The following LZTS3 variants were observed in gnomAD, a reference collection of about 807,000 sequenced individuals.
LZTS3 encodes leucine zipper tumor suppressor family member 3.
A neutral mutation model predicts 50.9 loss-of-function variants in LZTS3; 16 were observed. That is an observed-to-expected ratio of 0.31 (90% CI 0.21 to 0.48). The LOEUF is 0.48. Among genes scored for constraint, LZTS3 ranks in the 20% least tolerant of loss-of-function variants. LZTS3 has a pLI of 0.99. For synonymous variants in LZTS3, 408 were observed against 410.6 expected (o/e 0.99, Z 0.08); for missense variants, 816 against 931.0 (o/e 0.88, Z 1.61).
rs773374471 is a variant in LZTS3, at chr20:3,166,209, C to G, written c.611G>C (p.Arg204Pro). The G allele has an allele frequency of 2.5e-6, 4 of 1,613,610 alleles. No individual in the cohort carries two copies. The highest frequency in any genetic ancestry group is 2.7e-5 in the African/African-American group (2 of 74,918). Residue 204 changes from arginine to proline, a missense_variant, in exon 4 of 5, where the codon CGG becomes CCG. Around this residue, in one of 3 missense-constraint regions of LZTS3, gnomAD observed 700 missense variants for 769.4 expected, o/e 0.91. Coordinates refer to ENST00000337576, the MANE Select transcript of LZTS3 (RefSeq NM_001365618.1). ...ACTCCCACCCGCTGGAGTCATGGTC[C>G]GAGACTTGTCCAGTCCGCCTTTGAG... Reference protein sequence around the residue: ...GGLKGGLDKSRTMTPAGGSGS... With the variant: ...GGLKGGLDKSPTMTPAGGSGS...
At position 3,167,732 on chromosome 20, in the gene LZTS3, C is replaced by T; in HGVS notation, c.-19+6G>A. On this transcript the variant is annotated splice_donor_region_variant and intron_variant, in intron 2 of 4. Coordinates refer to ENST00000337576, the MANE Select transcript of LZTS3 (RefSeq NM_001365618.1). ...TGAGGGTGGGGGTCCTTCCCAGCCC[C>T]CTAACCTAAGTGTTGCAGTCAGGGC... The T allele has an allele frequency of 3.0e-6, 3 of 985,762 alleles. No homozygotes were observed. Among genetic ancestry groups the T allele is most frequent in the South Asian group, 4.7e-5 (1 of 21,286 alleles). The allele number at this position is 985,762 out of a possible 1,614,324, so 61.1% of individuals were successfully genotyped here. A position where few individuals can be genotyped will look rare whatever the true frequency, so the allele number is the denominator to read the frequency against.
Position 3,166,860 on chromosome 20 carries a change from C to T in LZTS3, c.304G>A (p.Glu102Lys), listed in dbSNP as rs1282967413. The change falls in exon 3 of 5, where the codon GAG becomes AAG. Residue 102 changes from glutamate to lysine, a missense_variant. Around this residue, in one of 3 missense-constraint regions of LZTS3, gnomAD observed 700 missense variants for 769.4 expected, o/e 0.91. Coordinates refer to ENST00000337576, the MANE Select transcript of LZTS3 (RefSeq NM_001365618.1). The stretch of plus-strand genomic sequence containing the variant: ...TCGGTGTGGTCACTGCCCCGCAGCT[C>T]ACCATTGAGGTAGAGGGAGTTGGCG... ...GLANSLYLNG[E>K]LRGSDHTDVC... 10 of 1,613,768 alleles carry T rather than the reference C, an allele frequency of 6.2e-6. No individual in the cohort carries two copies. The highest frequency in any genetic ancestry group is 6.8e-6 in the Non-Finnish European group (8 of 1,180,036).
In LZTS3 at chr20:3,165,244, G is replaced by T; in HGVS notation, c.1324-92C>A. ...CCAGATCTGGAGCCAGGGGCACCAA[G>T]CTTCCCGGGGCTGCAGGCTCAGCCC... On this transcript the variant is annotated intron_variant, in intron 4 of 4. Coordinates refer to ENST00000337576, the MANE Select transcript of LZTS3 (RefSeq NM_001365618.1). The surrounding 1 kb of genome is among the most constrained non-coding windows in gnomAD (Gnocchi z 5.0). The T allele has an allele frequency of 7.7e-7, 1 of 1,297,340 alleles. No individual in the cohort carries two copies. Among genetic ancestry groups the T allele is most frequent in the Non-Finnish European group, 1.0e-6 (1 of 973,886 alleles). 80.4% of individuals were successfully genotyped at this position (1,297,340 alleles called of 1,614,324 possible).
At chr20:3,167,278 TC>T in intron 2 of LZTS3, 97 bp from the exon 3 acceptor site, 1 of 1,400,676 alleles carries the variant, frequency 7.1e-7, no homozygotes, top group East Asian at 2.5e-5. Flanking sequence ...CCCCTCAGTG[TC>T]CCCTTCCCTA....
rs551395050 is a variant in LZTS3, at chr20:3,171,579, C to A, written c.-243+1876G>T. ...ACTCGGGAGGCTGAGGCATGAGAATCGCTTGAACCCAGGAGGTGGAGGTTG... is the reference window on the plus strand; with the variant it reads ...ACTCGGGAGGCTGAGGCATGAGAATAGCTTGAACCCAGGAGGTGGAGGTTG... On this transcript the variant is annotated intron_variant, in intron 1 of 4. Transcript: ENST00000337576. Among the ~76,000 whole-genome samples, 151 of 151,224 alleles carry A rather than the reference C, an allele frequency of 1.0e-3. 6 individuals are homozygous for A. In the South Asian group the frequency reaches 0.031, roughly 31 times the overall value.
intron 1 of LZTS3, among the ~76,000 whole-genome samples, chr20:3,168,793 GC>G (rs1019257084): frequency 2.6e-5 from 4 of 152,194 alleles, no homozygotes; most frequent in Non-Finnish European, 4.4e-5. Context: ...CAGGCAGGGA[GC>G]CCTCCTTCCC....
rs2066814172 is a variant in LZTS3 at position 3,166,050 on chromosome 20, C to T, written c.770G>A (p.Gly257Asp). The part of the protein sequence containing the change: ...HINRIGTASY[G>D]SGSGGSSGGG... ...ACCGCTGCTGCCGCCACTACCACTA[C>T]CATAGCTGGCAGTGCCAATGCGGTT... Residue 257 changes from glycine (G) to aspartate (D), a missense_variant, in exon 4 of 5, where the codon GGT (glycine) becomes GAT (aspartate). Around this residue, in one of 3 missense-constraint regions of LZTS3, gnomAD observed 700 missense variants for 769.4 expected, o/e 0.91. Coordinates refer to ENST00000337576, the MANE Select transcript of LZTS3 (RefSeq NM_001365618.1). 3.7e-6 allele frequency: 6 copies of T among 1,613,000 alleles called. No individual in the cohort carries two copies. Among genetic ancestry groups the T allele is most frequent in the Non-Finnish European group, 5.1e-6 (6 of 1,179,434 alleles).
Position 3,167,095 on chromosome 20 carries a change from TG to T in LZTS3, c.68del (p.Pro23HisfsTer30). 1 of 1,537,112 alleles carries T rather than the reference TG, an allele frequency of 6.5e-7. No individual in the cohort carries two copies. On this transcript the variant is annotated frameshift_variant, in exon 3 of 5. Transcript: ENST00000337576. LOFTEE classifies it high-confidence loss of function. ...PGRDPLLAFA[P>X]RPSELGPPDP... ...CCGGGGGTCCAAGCTCGGAGGGCCG[TG>T]GGGCAAAGGCCAGGAGAGGATCCCG...
rs1038740512 is a variant in LZTS3 at position 3,166,358 on chromosome 20, G to C, written c.462C>G (p.Cys154Trp). 2 of 1,603,684 alleles carry C rather than the reference G, an allele frequency of 1.2e-6. No homozygotes were observed. The highest frequency in any genetic ancestry group is 1.3e-5 in the African/African-American group (1 of 74,760). ...LLATSGKLDQCSEPLVRPSAF... is the reference protein window; with the variant it reads ...LLATSGKLDQWSEPLVRPSAF... ...CCGACGGCCGAACTAGTGGTTCTGA[G>C]CACTGCAGGAAACGCAGGAGGGGGC... The change falls in exon 4 of 5, where the codon TGC becomes TGG. Residue 154 changes from cysteine to tryptophan, a missense_variant and splice_region_variant. Transcript: ENST00000337576.
chr20:3,170,852 T>C (rs1300400249), intron 1 of LZTS3, among the ~76,000 whole-genome samples: 1 of 152,064 alleles, frequency 6.6e-6, no homozygotes, highest in East Asian at 1.9e-4. Context: ...TCCACAAGGC[T>C]AGAGGAGTGC....
Position 3,162,702 on chromosome 20 carries a change from T to TTA in LZTS3, c.*1750_*1751dup, listed in dbSNP as rs749837567. 1.3e-5 allele frequency: 2 copies of TTA among 151,986 alleles called. No individual in the cohort carries two copies. 9.4% of individuals were successfully genotyped at this position (151,986 alleles called of 1,614,324 possible). On this transcript the variant is annotated 3_prime_UTR_variant, in exon 5 of 5. Transcript: ENST00000337576. This position sits in a 1 kb window ranked among gnomAD's most constrained non-coding sequence, Gnocchi z 5.0. ...CATCACATATGGTAGAGATATATAT[T>TTA]TATATATATTTATATATAATTTCTT... is the stretch of plus-strand genomic sequence containing the variant.
At chr20:3,168,345 A>AGGGGGGAGGG (rs2066860742) in intron 1 of LZTS3, 2 of 20,212 alleles carry the variant, frequency 9.9e-5, no homozygotes, top group Non-Finnish European at 2.3e-4. Flanking sequence ...CACAGGTGGG[A>AGGGGGGAGGG]GGGGGGAGGG....
chr20:3,170,654 G>A (rs536940500), intron 1 of LZTS3, among the ~76,000 whole-genome samples: 4 of 152,162 alleles, frequency 2.6e-5, no homozygotes, highest in East Asian at 3.9e-4. Flanking sequence ...TTAGCTGGGT[G>A]TGGTGGTGCA....
intron 1 of LZTS3, among the ~76,000 whole-genome samples, chr20:3,169,589 T>G (rs1165274511): frequency 6.6e-6 from 1 of 152,048 alleles, no homozygotes; most frequent in Non-Finnish European, 1.5e-5. Flanking sequence ...TCTCAAGCAC[T>G]AAATGGAGGC....
rs879815637 is a variant in LZTS3, at chr20:3,166,647, T to C, written c.459+58A>G. ...AGAAGGCCCACTTTGCCTTCCTCTCTGGGTTGCCTCCCACCCCCAGAAAAA... is the reference window on the plus strand; with the variant it reads ...AGAAGGCCCACTTTGCCTTCCTCTCCGGGTTGCCTCCCACCCCCAGAAAAA... On this transcript the variant is annotated intron_variant, in intron 3 of 4. Coordinates refer to ENST00000337576, the MANE Select transcript of LZTS3 (RefSeq NM_001365618.1). 3.2e-6 allele frequency: 5 copies of C among 1,574,106 alleles called. No individual in the cohort carries two copies. The African/African-American group carries it at 5.4e-5, about 17-fold the overall frequency.
rs2066796940 is a variant in LZTS3 at position 3,165,395 on chromosome 20, C to CCCCG, written c.1323+101_1323+102insCGGG. ...TTTGTCCCCCCTGCTCCTTTCATCC[C>CCCCG]CCCCCCCATCCCACCGTTATGATAG... On this transcript the variant is annotated intron_variant, in intron 4 of 4. Coordinates refer to ENST00000337576, the MANE Select transcript of LZTS3 (RefSeq NM_001365618.1). The surrounding 1 kb of genome is among the most constrained non-coding windows in gnomAD (Gnocchi z 5.0). 11 of 1,046,526 alleles carry CCCCG rather than the reference C, an allele frequency of 1.1e-5. No individual in the cohort carries two copies. Among genetic ancestry groups the CCCCG allele is most frequent in the Non-Finnish European group, 1.2e-5 (9 of 750,558 alleles). 64.8% of individuals were successfully genotyped at this position (1,046,526 alleles called of 1,614,324 possible).
chr20:3,169,202 C>G (rs569978122), intron 1 of LZTS3, among the ~76,000 whole-genome samples: 1 of 152,188 alleles, frequency 6.6e-6, no homozygotes, highest in African/African-American at 2.4e-5. Flanking sequence ...TCCCTTTGTG[C>G]CTTGGGTCCC....
chr20:3,164,247 T>G lies in LZTS3; in HGVS notation c.*207A>C. The G allele has an allele frequency of 6.2e-5, 29 of 471,440 alleles. No homozygotes were observed. The highest frequency in any genetic ancestry group is 1.1e-4 in the East Asian group (3 of 27,162). 29.2% of individuals were successfully genotyped at this position (471,440 alleles called of 1,614,324 possible). A position where few individuals can be genotyped will look rare whatever the true frequency, so the allele number is the denominator to read the frequency against. On this transcript the variant is annotated 3_prime_UTR_variant, in exon 5 of 5. Transcript: ENST00000337576. ...CCCTGCCCTCCTCCTATTCCCTCCTTTTAGGGGGGTCCAAGTGGGCTGCCA... is the reference window on the plus strand; with the variant it reads ...CCCTGCCCTCCTCCTATTCCCTCCTGTTAGGGGGGTCCAAGTGGGCTGCCA...
At position 3,166,226 on chromosome 20, in the gene LZTS3, G is replaced by A. The variant is rs150229668; in HGVS notation, c.594C>T (p.Gly198=). 342 of 1,613,616 alleles carry A rather than the reference G, an allele frequency of 2.1e-4. 2 individuals carry two copies. The highest frequency in any genetic ancestry group is 9.5e-4 in the Admixed American group (57 of 59,930). The change falls in exon 4 of 5, where the codon GGC becomes GGT. Residue 198 remains glycine (G), a synonymous_variant. Transcript: ENST00000337576. ...TCATGGTCCGAGACTTGTCCAGTCC[G>A]CCTTTGAGGCCACCAGGGCCCTGCC... ...EGRQGPGGLK[G]GLDKSRTMTP...
Sources: allele counts gnomAD v4.1 joint callset (sites outside exome capture counted in the v4.1 genomes callset), GRCh38; gene constraint gnomAD v4.1.1; regional missense constraint gnomAD v4.1.1; non-coding constraint Gnocchi (gnomAD v3.1); transcripts MANE v1.5; gene names NCBI Gene and HGNC (gene_info 2026-07-23, HGNC 2026-07-21).